MCF2L2: variants seen among roughly 807,000 people sequenced by gnomAD.
The protein encoded by MCF2L2 is probable guanine nucleotide exchange factor MCF2L2.
A neutral mutation model predicts 150.2 loss-of-function variants in MCF2L2; 102 were observed. That is an observed-to-expected ratio of 0.68 (90% CI 0.58 to 0.80). The LOEUF is 0.80. MCF2L2 is among the 30% of genes least tolerant of loss of function. MCF2L2 has a pLI of 0.00. For synonymous variants in MCF2L2, 465 were observed against 491.3 expected, an observed-to-expected ratio of 0.95 and a Z score of 0.71; for missense variants, 1,256 against 1,372.8, an observed-to-expected ratio of 0.91 and a Z score of 1.34.
At chr3:183,383,327 C>T (rs1713643492) in intron 2 of MCF2L2, among the ~76,000 whole-genome samples, 2 of 152,172 alleles carry the variant, frequency 1.3e-5, no homozygotes, top group South Asian at 4.1e-4. Flanking sequence ...CTCCGCCTCT[C>T]GGGTTCAAGC....
At chr3:183,240,689 TG>T (rs1723981594) in intron 15 of MCF2L2, among the ~76,000 whole-genome samples, 1 of 152,126 alleles carries the variant, frequency 6.6e-6, no homozygotes, top group South Asian at 2.1e-4. Context: ...GAGAGGTGGG[TG>T]GGAGCTAAGA....
chr3:183,260,432 A>G (rs1449143825), intron 15 of MCF2L2, among the ~76,000 whole-genome samples: 3 of 152,224 alleles, frequency 2.0e-5, no homozygotes, highest in Non-Finnish European at 4.4e-5. Flanking sequence ...TGCAAGAATG[A>G]GCACAGAGGG....
At chr3:183,371,621 C>A (rs1712888503) in intron 3 of MCF2L2, among the ~76,000 whole-genome samples, 1 of 149,274 alleles carries the variant, frequency 6.7e-6, no homozygotes, top group Non-Finnish European at 1.5e-5. Flanking sequence ...GCTTATGCCA[C>A]CAGGCCCAGA....
At chr3:183,355,700 T>C (rs1264257914) in intron 3 of MCF2L2, among the ~76,000 whole-genome samples, 1 of 147,472 alleles carries the variant, frequency 6.8e-6, no homozygotes, top group Admixed American at 6.9e-5. Context: ...TCTCCTGACC[T>C]CGTGATCCGC....
chr3:183,272,532 ATT>A (rs1438501210), intron 15 of MCF2L2: 2 of 993,856 alleles, frequency 2.0e-6, no homozygotes, highest in Non-Finnish European at 2.4e-6. Flanking sequence ...ATTTTTTTCT[ATT>A]TTGAAATTTG....
chr3:183,197,903 A>G lies in MCF2L2; in HGVS notation c.2885-2648T>C, dbSNP rs560533356. 6.6e-6 allele frequency among the ~76,000 whole-genome samples: 1 copy of G among 152,336 alleles called. No homozygotes were observed. The highest frequency in any genetic ancestry group is 2.1e-4 in the South Asian group (1 of 4,832). On this transcript the variant is annotated intron_variant, in intron 25 of 29. Transcript: ENST00000328913. The surrounding 1 kb of genome is among the most constrained non-coding windows in gnomAD (Gnocchi z 4.5). The stretch of plus-strand genomic sequence containing the variant: ...GACATACCACTATGCCCCTATTAGA[A>G]ATCTGAAAATTTAAAAGACTGACAA...
chr3:183,229,369 A>T (rs1723464779), intron 17 of MCF2L2, among the ~76,000 whole-genome samples: 1 of 152,230 alleles, frequency 6.6e-6, no homozygotes, highest in Non-Finnish European at 1.5e-5. Flanking sequence ...GGCACAGAAC[A>T]GGTGCTCAAA....
At position 183,192,940 on chromosome 3, in the gene MCF2L2, A is replaced by G. The variant is rs546962890; in HGVS notation, c.3016+59T>C. The G allele has an allele frequency of 4.7e-6, 6 of 1,285,554 alleles. No individual in the cohort carries two copies. The East Asian group carries it at 1.4e-4, about 30-fold the overall frequency. The allele number at this position is 1,285,554 out of a possible 1,614,324, so 79.6% of individuals were successfully genotyped here. On this transcript the variant is annotated intron_variant, in intron 27 of 29. Transcript: ENST00000328913. ...CTAGGTGATGTCTTCCTTAGCATCTAAGCAGCTGGCATCACCCCACTGCTT... is the reference window on the plus strand; with the variant it reads ...CTAGGTGATGTCTTCCTTAGCATCTGAGCAGCTGGCATCACCCCACTGCTT...
At chr3:183,311,834 G>C in intron 7 of MCF2L2, 62 bp from the exon 8 acceptor site, 1 of 1,471,610 alleles carries the variant, frequency 6.8e-7, no homozygotes, top group South Asian at 1.2e-5. Context: ...TGGTAGAATT[G>C]AGGTGAAGAG....
intron 10 of MCF2L2, among the ~76,000 whole-genome samples, chr3:183,308,240 A>C (rs761738224): frequency 2.3e-4 from 35 of 152,172 alleles, no homozygotes; most frequent in Non-Finnish European, 4.0e-4. Context: ...TTGATGAATA[A>C]ATAACCCTCT....
At chr3:183,314,416 G>C (rs1729512885) in intron 7 of MCF2L2, among the ~76,000 whole-genome samples, 1 of 152,154 alleles carries the variant, frequency 6.6e-6, no homozygotes, top group African/African-American at 2.4e-5. Flanking sequence ...AAAGAAAAGA[G>C]GTTCTACTGG....
intron 21 of MCF2L2, among the ~76,000 whole-genome samples, chr3:183,216,979 T>TAG (rs1722967503): frequency 6.6e-6 from 1 of 150,472 alleles, no homozygotes; most frequent in Non-Finnish European, 1.5e-5. Context: ...ATACCCCTAT[T>TAG]CCCTGGGGCT....
At chr3:183,393,772 G>A (rs1280762820) in intron 1 of MCF2L2, among the ~76,000 whole-genome samples, 5 of 152,216 alleles carry the variant, frequency 3.3e-5, no homozygotes, top group Non-Finnish European at 7.3e-5. Context: ...CAATATCCCT[G>A]TGTTGCCCAC....
intron 10 of MCF2L2, among the ~76,000 whole-genome samples, chr3:183,302,921 G>A (rs781130548): frequency 5.3e-5 from 8 of 149,562 alleles, no homozygotes; most frequent in East Asian, 2.0e-4. Flanking sequence ...CTGGCTGGGC[G>A]CGGTGGCTCA....
chr3:183,224,420 G>T (rs1175991192), intron 18 of MCF2L2: 2 of 454,524 alleles, frequency 4.4e-6, no homozygotes, highest in African/African-American at 1.9e-5. Flanking sequence ...TGCTCTGGGA[G>T]CATCTACAAG....
At chr3:183,207,225 C>T (rs1256011005) in intron 23 of MCF2L2, among the ~76,000 whole-genome samples, 1 of 152,106 alleles carries the variant, frequency 6.6e-6, no homozygotes, top group Non-Finnish European at 1.5e-5. Context: ...CAGGACAATG[C>T]CTGCACTTAG....
At chr3:183,390,191 C>T (rs912724768) in intron 1 of MCF2L2, among the ~76,000 whole-genome samples, 6 of 152,278 alleles carry the variant, frequency 3.9e-5, no homozygotes, top group Admixed American at 3.9e-4. Context: ...CAAAACAGGT[C>T]ATAAAATCAA....
At chr3:183,318,796 T>G (rs1352510972) in intron 6 of MCF2L2, among the ~76,000 whole-genome samples, 1 of 112,336 alleles carries the variant, frequency 8.9e-6, no homozygotes, top group Non-Finnish European at 2.0e-5. Context: ...AAGTGTGCAA[T>G]AGCATTATGT....
At chr3:183,284,702 C>CAAA (rs775947593) in intron 14 of MCF2L2, among the ~76,000 whole-genome samples, 1 of 130,782 alleles carries the variant, frequency 7.6e-6, no homozygotes, top group Non-Finnish European at 1.7e-5. Flanking sequence ...ACTCTGTCTC[C>CAAA]AAAAAAAAAA....
Sources: allele counts gnomAD v4.1 joint callset (sites outside exome capture counted in the v4.1 genomes callset), GRCh38; gene constraint gnomAD v4.1.1; non-coding constraint Gnocchi (gnomAD v3.1); transcripts MANE v1.5; gene names NCBI Gene and HGNC (gene_info 2026-07-23, HGNC 2026-07-21).